LY75: variants seen among roughly 807,000 people sequenced by gnomAD.
LY75 encodes lymphocyte antigen 75.
A neutral mutation model predicts 231.7 loss-of-function variants in LY75; 185 were observed. The observed-to-expected ratio is 0.80, with a 90% CI of 0.71 to 0.90. LY75 has a LOEUF of 0.90. LY75 is among the 40% of genes least tolerant of loss of function. The pLI is 0.00. For synonymous variants in LY75, 668 were observed against 689.0 expected (o/e 0.97, Z 0.48); for missense variants, 1,947 against 2,050.2 (o/e 0.95, Z 0.97).
intron 21 of LY75, among the ~76,000 whole-genome samples, chr2:159,851,381 G>T (rs1684396767): frequency 6.6e-6 from 1 of 151,938 alleles, no homozygotes; most frequent in African/African-American, 2.4e-5. Flanking sequence ...CTTATAGACT[G>T]GAGTGGCCAA....
At chr2:159,807,843 C>T (rs1380959934) in intron 33 of LY75, 1 of 979,150 alleles carries the variant, frequency 1.0e-6, no homozygotes, top group African/African-American at 1.8e-5. Flanking sequence ...AACCCTGTAT[C>T]TACTATTTCG....
chr2:159,898,931 G>T lies in LY75; in HGVS notation c.223C>A (p.Leu75Ile). ...KLWKWVSQHR[L>I]FHLHSQKCLG... is the part of the protein sequence containing the mutation. ...CACTTTTGGGAGTGCAAATGAAAGAGCCGATGCTGGGACACCCACTTCCAT... is the reference window on the plus strand; with the variant it reads ...CACTTTTGGGAGTGCAAATGAAAGATCCGATGCTGGGACACCCACTTCCAT... Residue 75 changes from leucine (L) to isoleucine (I), a missense_variant, in exon 2 of 35, where the codon CTC becomes ATC. Leu to Ile is a conservative substitution (Grantham distance 5). Coordinates refer to ENST00000263636, the MANE Select transcript of LY75 (RefSeq NM_002349.4). The T allele has an allele frequency of 6.2e-7, 1 of 1,614,232 alleles. No individual in the cohort carries two copies. The highest frequency in any genetic ancestry group is 8.5e-7 in the Non-Finnish European group (1 of 1,180,044).
intron 1 of LY75, chr2:159,903,711 T>G (rs1373223774): frequency 6.6e-6 from 1 of 152,188 alleles, no homozygotes; most frequent in Non-Finnish European, 1.5e-5. Context: ...CGGTGGAGGG[T>G]GGCCCATTGA....
At chr2:159,887,581 A>AAAAAAAAG (rs1685633441) in intron 4 of LY75, among the ~76,000 whole-genome samples, 4 of 149,642 alleles carry the variant, frequency 2.7e-5, no homozygotes, top group African/African-American at 5.0e-5. Context: ...AAAAAAAAAA[A>AAAAAAAAG]AAAGAAAAAA....
At chr2:159,828,941 G>T (rs1683565540) in intron 28 of LY75, among the ~76,000 whole-genome samples, 1 of 152,104 alleles carries the variant, frequency 6.6e-6, no homozygotes, top group Admixed American at 6.5e-5. Context: ...AAAATGTCCA[G>T]AATTTTACAT....
chr2:159,862,433 G>T (rs1045667416), intron 14 of LY75, among the ~76,000 whole-genome samples: 5 of 152,066 alleles, frequency 3.3e-5, no homozygotes, highest in African/African-American at 9.7e-5. Flanking sequence ...ACTTCACCCT[G>T]GGTGGCAGAG....
In LY75 at chr2:159,831,662, C is replaced by T. The variant is rs531682693; in HGVS notation, c.3958+8G>A. The stretch of plus-strand genomic sequence containing the variant: ...CAAATAGAGAAAGTTGGCAGATTTA[C>T]AACTTACTTCTATAAGTTATTCCTA... On this transcript the variant is annotated splice_region_variant and intron_variant, in intron 28 of 34. Coordinates refer to ENST00000263636, the MANE Select transcript of LY75 (RefSeq NM_002349.4). The T allele has an allele frequency of 7.5e-6, 12 of 1,606,676 alleles. No individual in the cohort carries two copies. In the East Asian group the frequency reaches 2.7e-4, roughly 36 times the overall value.
chr2:159,884,079 T>A (rs1685515279), intron 6 of LY75, among the ~76,000 whole-genome samples: 1 of 152,122 alleles, frequency 6.6e-6, no homozygotes, highest in Admixed American at 6.6e-5. Context: ...AGCGAATAAG[T>A]CTCATGAGAT....
intron 16 of LY75, among the ~76,000 whole-genome samples, chr2:159,855,848 G>T (rs1684535391): frequency 6.6e-6 from 1 of 152,172 alleles, no homozygotes; most frequent in South Asian, 2.1e-4. Context: ...CTTAATCTTA[G>T]AAATTACAGA....
At chr2:159,848,796 A>G (rs1479867756) in intron 23 of LY75, among the ~76,000 whole-genome samples, 1 of 152,304 alleles carries the variant, frequency 6.6e-6, no homozygotes, top group East Asian at 1.9e-4. Flanking sequence ...TTTGGCAAGT[A>G]TTTGTGATAA....
chr2:159,880,812 A>G (rs1194444249), intron 8 of LY75, among the ~76,000 whole-genome samples: 1 of 152,170 alleles, frequency 6.6e-6, no homozygotes, highest in East Asian at 1.9e-4. Flanking sequence ...TGTGCAGTTC[A>G]TAATAGGGTT....
At chr2:159,888,321 T>A (rs933576366) in intron 4 of LY75, among the ~76,000 whole-genome samples, 1 of 152,178 alleles carries the variant, frequency 6.6e-6, no homozygotes, top group African/African-American at 2.4e-5. Context: ...GAGGCTATAG[T>A]GTGCTCTGAT....
In LY75 at chr2:159,864,837, A is replaced by G; in HGVS notation, c.2199+2T>C. Reference sequence around the variant, plus strand: ...ACCTAAAACAATAACGTTTTAACTTACTGGTGTACGATCACTCCATTGCCA... The same window carrying G: ...ACCTAAAACAATAACGTTTTAACTTGCTGGTGTACGATCACTCCATTGCCA... On this transcript the variant is annotated splice_donor_variant, in intron 14 of 34. Transcript: ENST00000263636. LOFTEE classifies it high-confidence loss of function. 6.3e-7 allele frequency: 1 copy of G among 1,579,968 alleles called. No individual in the cohort carries two copies. The highest frequency in any genetic ancestry group is 1.2e-5 in the South Asian group (1 of 83,108).
chr2:159,809,934 T>C (rs1682907424), intron 32 of LY75, among the ~76,000 whole-genome samples: 1 of 152,176 alleles, frequency 6.6e-6, no homozygotes, highest in African/African-American at 2.4e-5. Flanking sequence ...CACCTCGGCC[T>C]CCCAAAGTGC....
Position 159,805,090 on chromosome 2 carries a change from T to TCATTCACATCA in LY75, c.5122_5123insTGATGTGAATG (p.Gln1708LeufsTer3). The TCATTCACATCA allele has an allele frequency of 6.2e-7, 1 of 1,614,188 alleles. No homozygotes were observed. The highest frequency in any genetic ancestry group is 8.5e-7 in the Non-Finnish European group (1 of 1,179,998). ...CATAATCTCATCTTCATTCACTCCT[T>TCATTCACATCA]GTGCATATCGAACTGATGAGAAACC... is the stretch of plus-strand genomic sequence containing the variant. On this transcript the variant is annotated stop_gained and frameshift_variant, in exon 35 of 35. Transcript: ENST00000263636. LOFTEE classifies it high-confidence loss of function.
At chr2:159,833,231 A>T (rs1014338213) in intron 27 of LY75, among the ~76,000 whole-genome samples, 1 of 150,802 alleles carries the variant, frequency 6.6e-6, no homozygotes, top group Non-Finnish European at 1.5e-5. Flanking sequence ...GGGTTCAAAG[A>T]TCCTCCCTCC....
intron 20 of LY75, 82 bp from the exon 21 acceptor site, chr2:159,852,422 GTTT>G (rs72158678): frequency 1.7e-4 from 230 of 1,326,020 alleles, no homozygotes; most frequent in African/African-American, 8.2e-4. Context: ...GTTTTTTTTT[GTTT>G]TTTTTTTTTT....
intron 33 of LY75, chr2:159,807,749 A>T: frequency 4.2e-6 from 4 of 947,802 alleles, no homozygotes; most frequent in Non-Finnish European, 3.8e-6. Flanking sequence ...TTAATAATTT[A>T]AAATTCAACT....
In LY75 at chr2:159,853,698, C is replaced by G; in HGVS notation, c.2596-1G>C. 6.2e-7 allele frequency: 1 copy of G among 1,613,452 alleles called. No homozygotes were observed. The highest frequency in any genetic ancestry group is 8.5e-7 in the Non-Finnish European group (1 of 1,179,800). On this transcript the variant is annotated splice_acceptor_variant, in intron 18 of 34. Coordinates refer to ENST00000263636, the MANE Select transcript of LY75 (RefSeq NM_002349.4). LOFTEE classifies it high-confidence loss of function. ...ACCACTTCTGTCCATCACCAGATATCTGAAAAACAAGCCAAACATCCATCC... is the reference window on the plus strand; with the variant it reads ...ACCACTTCTGTCCATCACCAGATATGTGAAAAACAAGCCAAACATCCATCC...
Sources: gnomAD v4.1 joint callset for allele counts (sites outside exome capture counted in the v4.1 genomes callset) on GRCh38, gnomAD v4.1.1 for gene constraint, MANE v1.5 for transcripts, NCBI Gene and HGNC (gene_info 2026-07-23, HGNC 2026-07-21) for gene names.